SEC23A: variants seen among roughly 807,000 people sequenced by gnomAD.
SEC23A encodes SEC23 homolog A, COPII component.
SEC23A carries 56 observed loss-of-function variants against 103.7 expected under a neutral mutation model. The observed-to-expected ratio is 0.54, with a 90% CI of 0.44 to 0.67. The LOEUF is 0.67. Among genes scored for constraint, SEC23A ranks in the 30% least tolerant of loss-of-function variants. The probability of loss-of-function intolerance (pLI) is 0.00; values close to 1 mark genes in which losing one functional copy is unlikely to be tolerated. For missense variants in SEC23A, 784 were observed against 936.4 expected (o/e 0.84, Z 2.12); for synonymous variants, 281 against 293.0 (o/e 0.96, Z 0.42).
intron 8 of SEC23A, among the ~76,000 whole-genome samples, chr14:39,074,889 T>C (rs1034065608): frequency 3.9e-5 from 6 of 152,058 alleles, no homozygotes; most frequent in African/African-American, 1.4e-4. Context: ...AGGCAGATCA[T>C]GAGGTCAGGA....
rs11283010 is a variant in SEC23A, at chr14:39,033,422, A to AAATAGAAC, written c.2209-95_2209-94insGTTCTATT. 693,215 of 755,254 alleles carry AAATAGAAC rather than the reference A, an allele frequency of 0.92. 319,834 individuals are homozygous for AAATAGAAC. The highest frequency in any genetic ancestry group is 0.97 in the East Asian group (35,819 of 36,760). The allele number at this position is 755,254 out of a possible 1,614,324, so 46.8% of individuals were successfully genotyped here. Reference sequence around the variant, plus strand: ...TTAAAATAGACAAGGAAATCATTTGAAATGCCTATGGTCCTATTAAATAAA... The same window carrying AAATAGAAC: ...TTAAAATAGACAAGGAAATCATTTGAAATAGAACAATGCCTATGGTCCTATTAAATAAA... On this transcript the variant is annotated intron_variant, in intron 19 of 19. Transcript: ENST00000307712.
Position 39,094,442 on chromosome 14 carries a change from ATT to A in SEC23A, c.222-1200_222-1199del, listed in dbSNP as rs55763808. On this transcript the variant is annotated intron_variant, in intron 2 of 19. Transcript: ENST00000307712. ...TATATATATATATATATATATATAT[ATT>A]TTTTTTTTTTTTTTTTCCCCTCCTG... 5.7e-3 allele frequency among the ~76,000 whole-genome samples: 55 copies of A among 9,644 alleles called. 8 individuals are homozygous for A. Among genetic ancestry groups the A allele is most frequent in the Admixed American group, 9.1e-3 (6 of 660 alleles). The allele number at this position is 9,644 out of a possible 152,430, so 6.3% of individuals were successfully genotyped here.
At chr14:39,092,832 T>G (rs1014972023) in intron 3 of SEC23A, 1 of 549,770 alleles carries the variant, frequency 1.8e-6, no homozygotes, top group East Asian at 3.2e-5. Context: ...ATGGATGTTT[T>G]ATGGGTTTTT....
At chr14:39,100,482 G>C (rs994274673) in intron 1 of SEC23A, among the ~76,000 whole-genome samples, 1 of 149,806 alleles carries the variant, frequency 6.7e-6, no homozygotes, top group Non-Finnish European at 1.5e-5. Flanking sequence ...GCGTGATCTC[G>C]GCTCACCGCA....
rs116647944 is a variant in SEC23A, at chr14:39,093,460, T to G, written c.222-216A>C. 8.9e-3 allele frequency among the ~76,000 whole-genome samples: 1,361 copies of G among 152,324 alleles called. 17 individuals are homozygous for G. The highest frequency in any genetic ancestry group is 0.031 in the African/African-American group (1,286 of 41,558). On this transcript the variant is annotated intron_variant, in intron 2 of 19. Transcript: ENST00000307712. The stretch of plus-strand genomic sequence containing the variant: ...TTACCTAAATGGTGAATATAACTTT[T>G]AACATATAGTAAATATTGGCTGGGT...
rs529317734 is a variant in SEC23A, at chr14:39,085,758, C to T, written c.828+4G>A. Reference sequence around the variant, plus strand: ...ACATTCCAAAACAAAACCATCTTCCCTACCTCCAGCAGTCCTACAGCTATG... The same window carrying T: ...ACATTCCAAAACAAAACCATCTTCCTTACCTCCAGCAGTCCTACAGCTATG... On this transcript the variant is annotated splice_donor_region_variant and intron_variant, in intron 7 of 19. Coordinates refer to ENST00000307712, the MANE Select transcript of SEC23A (RefSeq NM_006364.4). 3.7e-6 allele frequency: 6 copies of T among 1,609,156 alleles called. No individual in the cohort carries two copies. In the African/African-American group the frequency reaches 5.4e-5, roughly 15 times the overall value.
chr14:39,076,841 C>T (rs144831403), intron 7 of SEC23A, among the ~76,000 whole-genome samples: 133 of 151,456 alleles, frequency 8.8e-4, no homozygotes, highest in African/African-American at 3.0e-3. Flanking sequence ...GCAGGAGAAT[C>T]GCTTGAACGC....
At chr14:39,060,244 T>C (rs1014299252) in intron 13 of SEC23A, among the ~76,000 whole-genome samples, 1 of 152,172 alleles carries the variant, frequency 6.6e-6, no homozygotes, top group Non-Finnish European at 1.5e-5. Context: ...AAATGAATAA[T>C]GTATCCCCTT....
At chr14:39,057,545 T>C (rs1886291381) in intron 13 of SEC23A, among the ~76,000 whole-genome samples, 1 of 152,084 alleles carries the variant, frequency 6.6e-6, no homozygotes, top group Non-Finnish European at 1.5e-5. Flanking sequence ...AAAACAATTG[T>C]TTCAGAGGTG....
rs988751454 is a variant in SEC23A at position 39,103,198 on chromosome 14, C to T, written c.-188G>A. The stretch of plus-strand genomic sequence containing the variant: ...CCCCGCCCCGGGCCTCAGCGAAGAC[C>T]TCCGCCCGGCCAACATGGCTGGCGC... On this transcript the variant is annotated 5_prime_UTR_variant, in exon 1 of 20. Transcript: ENST00000307712. The T allele has an allele frequency of 3.9e-5, 6 of 152,464 alleles. No homozygotes were observed. Among genetic ancestry groups the T allele is most frequent in the African/African-American group, 1.4e-4 (6 of 41,474 alleles). 9.4% of individuals were successfully genotyped at this position (152,464 alleles called of 1,614,324 possible).
intron 1 of SEC23A, among the ~76,000 whole-genome samples, chr14:39,098,137 G>A (rs1198340462): frequency 1.3e-5 from 2 of 151,956 alleles, no homozygotes; most frequent in Non-Finnish European, 2.9e-5. Flanking sequence ...AGGCAGCTTT[G>A]AGAAGGGTGG....
chr14:39,101,162 T>A (rs72673310), intron 1 of SEC23A, among the ~76,000 whole-genome samples: 22,946 of 152,056 alleles, frequency 0.15, 1,838 homozygotes, highest in African/African-American at 0.2. Context: ...TTATTTTTTT[T>A]AAAAAGTGAT....
intron 19 of SEC23A, among the ~76,000 whole-genome samples, chr14:39,036,296 T>C (rs1885456031): frequency 8.7e-6 from 1 of 114,588 alleles, no homozygotes; most frequent in African/African-American, 3.5e-5. Context: ...CACTCCAGCC[T>C]GGCAACAGAG....
At chr14:39,062,406 T>C (rs557782995) in intron 12 of SEC23A, among the ~76,000 whole-genome samples, 10 of 152,256 alleles carry the variant, frequency 6.6e-5, no homozygotes, top group African/African-American at 2.2e-4. Flanking sequence ...TTTTGAAACA[T>C]TTCAGATTTC....
At chr14:39,049,479 A>G in intron 14 of SEC23A, among the ~76,000 whole-genome samples, 1 of 138,012 alleles carries the variant, frequency 7.2e-6, no homozygotes, top group African/African-American at 2.5e-5. Flanking sequence ...CTGTCTCCAA[A>G]AAAAAAAAAA....
chr14:39,086,830 T>G lies in SEC23A; in HGVS notation c.683+99A>C, dbSNP rs73287674. The G allele has an allele frequency of 0.011, 7,756 of 730,186 alleles. 461 individuals carry two copies. The African/African-American group carries it at 0.12, about 11-fold the overall frequency. 45.2% of individuals were successfully genotyped at this position (730,186 alleles called of 1,614,324 possible). ...TACAATTTACTTATATTCCTAAAAATATTTAACAATATAGTATCACTGAAT... is the reference window on the plus strand; with the variant it reads ...TACAATTTACTTATATTCCTAAAAAGATTTAACAATATAGTATCACTGAAT... On this transcript the variant is annotated intron_variant, in intron 6 of 19. Transcript: ENST00000307712.
Position 39,076,039 on chromosome 14 carries a change from T to TA in SEC23A, c.882dup (p.Thr295TyrfsTer11). On this transcript the variant is annotated frameshift_variant, in exon 8 of 20. Coordinates refer to ENST00000307712, the MANE Select transcript of SEC23A (RefSeq NM_006364.4). LOFTEE classifies it high-confidence loss of function. ...CCAACCACCATTCCAGGCCCCTGAG[T>TA]AGCAGGACCACCAATGAACATCATG... The TA allele has an allele frequency of 6.2e-7, 1 of 1,613,864 alleles. No individual in the cohort carries two copies. The highest frequency in any genetic ancestry group is 8.5e-7 in the Non-Finnish European group (1 of 1,179,902).
intron 5 of SEC23A, 158 bp downstream of exon 5, chr14:39,091,314 TGAAAA>T: frequency 1.6e-6 from 1 of 623,872 alleles, no homozygotes. Context: ...TTAAGGCACA[TGAAAA>T]GAAAACTGAA....
chr14:39,035,767 A>C (rs887852266), intron 19 of SEC23A, among the ~76,000 whole-genome samples: 2 of 152,214 alleles, frequency 1.3e-5, no homozygotes, highest in African/African-American at 4.8e-5. Context: ...GGAAAATCAA[A>C]AATGAAAATG....
Sources: allele counts gnomAD v4.1 joint callset (sites outside exome capture counted in the v4.1 genomes callset), GRCh38; gene constraint gnomAD v4.1.1; transcripts MANE v1.5; gene names NCBI Gene and HGNC (gene_info 2026-07-23, HGNC 2026-07-21).